Variants in ATRNL1 observed in about 807,000 individuals in gnomAD.
ATRNL1 encodes the protein attractin like 1, also known as attractin-like protein 1.
ATRNL1 carries 95 observed loss-of-function variants against 182.7 expected under a neutral mutation model. The observed-to-expected ratio is 0.52, with a 90% CI of 0.44 to 0.62. The LOEUF (loss-of-function observed/expected upper bound fraction) is 0.62, where lower values mean the gene tolerates loss of function less well. ATRNL1 is among the 20% of genes least tolerant of loss of function. The pLI is 0.00. For synonymous variants in ATRNL1, 576 were observed against 568.3 expected (o/e 1.01, Z -0.19); for missense variants, 1,471 against 1,679.5 (o/e 0.88, Z 2.17).
chr10:115,631,820 G>C (rs1858531731), intron 26 of ATRNL1, among the ~76,000 whole-genome samples: 1 of 152,058 alleles, frequency 6.6e-6, no homozygotes, highest in Non-Finnish European at 1.5e-5. Flanking sequence ...AGAATGCCTA[G>C]AGACCATTTT....
At chr10:115,618,202 A>G (rs782131011) in intron 26 of ATRNL1, among the ~76,000 whole-genome samples, 1 of 152,154 alleles carries the variant, frequency 6.6e-6, no homozygotes, top group Non-Finnish European at 1.5e-5. Flanking sequence ...GAGCGATATG[A>G]TAATGGACTA....
At chr10:115,744,053 T>C (rs1041557758) in intron 27 of ATRNL1, among the ~76,000 whole-genome samples, 20 of 152,062 alleles carry the variant, frequency 1.3e-4, no homozygotes, top group Non-Finnish European at 2.8e-4. Context: ...TTTTTGCTTA[T>C]AACTTCCTGT....
In ATRNL1 at chr10:115,597,773, G is replaced by A. The variant is rs782272551; in HGVS notation, c.3795+48237G>A. ...ATGTTGGCCAGACTGGACCTCAGGC[G>A]ATCTGCCCACCTCGGCCTCCTAAAG... On this transcript the variant is annotated intron_variant, in intron 26 of 28. Transcript: ENST00000355044. 31 of 395,490 alleles carry A rather than the reference G, an allele frequency of 7.8e-5. 1 individual carries two copies. The highest frequency in any genetic ancestry group is 1.5e-5 in the Non-Finnish European group (3 of 199,498). 24.5% of individuals were successfully genotyped at this position (395,490 alleles called of 1,614,324 possible). A position where few individuals can be genotyped will look rare whatever the true frequency, so the allele number is the denominator to read the frequency against.
At chr10:115,127,754 G>T (rs1554873952) in intron 4 of ATRNL1, 33 bp downstream of exon 4, 2 of 1,315,936 alleles carry the variant, frequency 1.5e-6, no homozygotes, top group South Asian at 1.9e-5. Flanking sequence ...TTCTTTTAAT[G>T]ATTCTTGTAA....
intron 26 of ATRNL1, among the ~76,000 whole-genome samples, chr10:115,611,122 T>C (rs1186663719): frequency 6.6e-6 from 1 of 151,854 alleles, no homozygotes; most frequent in Non-Finnish European, 1.5e-5. Context: ...ACTGATTGGA[T>C]TGAACATTTG....
chr10:115,516,226 C>T (rs113083950), intron 24 of ATRNL1, among the ~76,000 whole-genome samples: 19 of 151,850 alleles, frequency 1.3e-4, no homozygotes, highest in African/African-American at 4.6e-4. Flanking sequence ...CTTTTCTATT[C>T]TCAATAAGTA....
At chr10:115,714,089 A>C (rs991127364) in intron 26 of ATRNL1, among the ~76,000 whole-genome samples, 5 of 152,182 alleles carry the variant, frequency 3.3e-5, no homozygotes, top group Non-Finnish European at 4.4e-5. Context: ...CCCTAGTTGA[A>C]GCCCAGTGAT....
intron 9 of ATRNL1, among the ~76,000 whole-genome samples, chr10:115,228,044 A>G (rs1554899061): frequency 6.6e-6 from 1 of 152,128 alleles, no homozygotes; most frequent in South Asian, 2.1e-4. Flanking sequence ...TTTGGCATAT[A>G]TATTATACTT....
chr10:115,858,695 A>G (rs1437894716), intron 28 of ATRNL1, among the ~76,000 whole-genome samples: 1 of 152,186 alleles, frequency 6.6e-6, no homozygotes, highest in Non-Finnish European at 1.5e-5. Flanking sequence ...TCGGAACTTA[A>G]AATAAAATAA....
At chr10:115,728,128 GAAAA>G (rs3087144) in intron 27 of ATRNL1, among the ~76,000 whole-genome samples, 12 of 112,930 alleles carry the variant, frequency 1.1e-4, no homozygotes, top group African/African-American at 3.4e-4. Context: ...AAAAAAAAAA[GAAAA>G]AAAAAAAAAA....
intron 26 of ATRNL1, among the ~76,000 whole-genome samples, chr10:115,570,505 C>T (rs1854324356): frequency 6.6e-6 from 1 of 152,174 alleles, no homozygotes; most frequent in Non-Finnish European, 1.5e-5. Flanking sequence ...GGTAGAAAGA[C>T]TCAGCTTACT....
intron 27 of ATRNL1, among the ~76,000 whole-genome samples, chr10:115,763,320 A>G (rs550616612): frequency 9.1e-4 from 138 of 152,336 alleles, no homozygotes; most frequent in African/African-American, 3.1e-3. Flanking sequence ...ACTAAGGGAG[A>G]GACACAGATA....
chr10:115,381,409 G>C (rs945087927), intron 19 of ATRNL1, among the ~76,000 whole-genome samples: 1 of 115,384 alleles, frequency 8.7e-6, no homozygotes, highest in African/African-American at 3.1e-5. Flanking sequence ...TGGGACTACA[G>C]GCACATGCCA....
chr10:115,522,966 G>C (rs1244525821), intron 25 of ATRNL1, among the ~76,000 whole-genome samples: 1 of 152,150 alleles, frequency 6.6e-6, no homozygotes, highest in Non-Finnish European at 1.5e-5. Flanking sequence ...TGCTCTACTA[G>C]GCAATCCCTG....
intron 21 of ATRNL1, among the ~76,000 whole-genome samples, chr10:115,431,688 CAT>C (rs1293243167): frequency 2.0e-5 from 3 of 152,078 alleles, no homozygotes; most frequent in Admixed American, 6.6e-5. Flanking sequence ...TAGATCCATA[CAT>C]GTTTTAATCC....
intron 8 of ATRNL1, among the ~76,000 whole-genome samples, chr10:115,190,856 A>G (rs1848142113): frequency 6.6e-6 from 1 of 152,090 alleles, no homozygotes; most frequent in African/African-American, 2.4e-5. Context: ...AACCAGCCTC[A>G]CTTTATCCCC....
At chr10:115,841,772 C>T (rs986948800) in intron 27 of ATRNL1, among the ~76,000 whole-genome samples, 3 of 151,972 alleles carry the variant, frequency 2.0e-5, no homozygotes, top group Non-Finnish European at 4.4e-5. Flanking sequence ...ATTTTCGCTT[C>T]CATTTTTTTC....
intron 27 of ATRNL1, among the ~76,000 whole-genome samples, chr10:115,738,259 CCCA>C (rs1181850991): frequency 1.5e-4 from 2 of 13,298 alleles, no homozygotes; most frequent in Non-Finnish European, 3.6e-3. Flanking sequence ...CTGCCTCAGC[CCCA>C]GTCTGTAGCT....
chr10:115,884,332 C>T (rs1280205404), intron 28 of ATRNL1, among the ~76,000 whole-genome samples: 1 of 152,112 alleles, frequency 6.6e-6, no homozygotes, highest in Admixed American at 6.5e-5. Flanking sequence ...TTTATTTCAC[C>T]ATGCAGAATG....
Sources: gnomAD v4.1 joint callset for allele counts (sites outside exome capture counted in the v4.1 genomes callset) on GRCh38, gnomAD v4.1.1 for gene constraint, MANE v1.5 for transcripts, NCBI Gene and HGNC (gene_info 2026-07-23, HGNC 2026-07-21) for gene names.